Variants in UVSSA observed in about 807,000 individuals in gnomAD.
The protein encoded by UVSSA is UV stimulated scaffold protein A.
In UVSSA, 72 loss-of-function variants were observed where a neutral mutation model predicts 73.9. The ratio of observed to expected loss-of-function variants is 0.97; its 90% CI spans 0.81 to 1.19. The LOEUF is 1.19. Ranked by LOEUF, UVSSA falls within the 50% of genes most tolerant of loss-of-function variation. UVSSA has a pLI of 0.00. For missense variants in UVSSA, 1,150 were observed against 965.0 expected (o/e 1.19, Z -2.54); for synonymous variants, 454 against 391.3 (o/e 1.16, Z -1.89).
At chr4:1,346,754 G>A (rs1377911922), upstream of UVSSA, among the ~76,000 whole-genome samples, 1 of 152,060 alleles carries the variant, frequency 6.6e-6, no homozygotes, top group Non-Finnish European at 1.5e-5. Flanking sequence ...GCCCGCGGGC[G>A]GGCGTGGCGT....
At chr4:1,380,822 G>C (rs1719396608) in intron 11 of UVSSA, 58 bp from the exon 12 acceptor site, 11 of 1,594,954 alleles carry the variant, frequency 6.9e-6, no homozygotes, top group Admixed American at 3.4e-5. Context: ...GGTGGGGGGA[G>C]GTGGTCAAGG....
At chr4:1,352,633 T>G (rs988861925) in intron 4 of UVSSA, among the ~76,000 whole-genome samples, 2 of 152,224 alleles carry the variant, frequency 1.3e-5, no homozygotes, top group African/African-American at 4.8e-5. Flanking sequence ...GCTGCTGAGC[T>G]GGGTGCTCTA....
Position 1,380,924 on chromosome 4 carries a change from G to C in UVSSA, c.1797G>C (p.Arg599=). ...TTGTTCCACGGGACGACGAAGGACG[G>C]CCGCTCGACCCGGAAGACAGGGCTC... ...GKIVPRDDEG[R]PLDPEDRARE... The change falls in exon 12 of 14, where the codon CGG becomes CGC. Residue 599 remains arginine, a synonymous_variant. Transcript: ENST00000389851. 6.2e-7 allele frequency: 1 copy of C among 1,613,082 alleles called. No homozygotes were observed. The highest frequency in any genetic ancestry group is 8.5e-7 in the Non-Finnish European group (1 of 1,179,976).
At chr4:1,346,734 C>G (rs894392106), upstream of UVSSA, among the ~76,000 whole-genome samples, 1 of 152,112 alleles carries the variant, frequency 6.6e-6, no homozygotes, top group African/African-American at 2.4e-5. Context: ...GTGAAGGGAC[C>G]TGGCTGCGAG....
intron 2 of UVSSA, 151 bp downstream of exon 2, chr4:1,348,340 C>A (rs189308280): frequency 3.4e-4 from 218 of 648,786 alleles, no homozygotes; most frequent in African/African-American, 3.4e-3. Flanking sequence ...CCGGCTCTGA[C>A]GGGTGGTCAT....
At chr4:1,376,959 C>G (rs1178845323) in intron 10 of UVSSA, among the ~76,000 whole-genome samples, 1 of 152,234 alleles carries the variant, frequency 6.6e-6, no homozygotes, top group African/African-American at 2.4e-5. Flanking sequence ...TCCCCGCCAT[C>G]AAGACCCAGG....
At chr4:1,375,549 G>A (rs754104339) in intron 9 of UVSSA, 41 bp downstream of exon 9, 7 of 1,588,958 alleles carry the variant, frequency 4.4e-6, no homozygotes, top group East Asian at 2.2e-5. Flanking sequence ...CCTGCCCGGC[G>A]CTGCCACAGC....
intron 10 of UVSSA, among the ~76,000 whole-genome samples, chr4:1,377,520 C>T (rs1718922169): frequency 6.6e-6 from 1 of 152,122 alleles, no homozygotes; most frequent in African/African-American, 2.4e-5. Context: ...TCACACATTG[C>T]CACCAGGGGT....
Position 1,349,579 on chromosome 4 carries a change from C to T in UVSSA, c.154C>T (p.Gln52Ter). The change falls in exon 3 of 14, where the codon CAG (glutamine) becomes TAG (stop). Residue 52 changes from glutamine to a stop codon, truncating the protein, a stop_gained. Transcript: ENST00000389851. LOFTEE classifies it high-confidence loss of function. Reference protein sequence around the residue: ...AYRLLIAQLTQEHAEIRLSAF... With the variant: ...AYRLLIAQLT ...CCGCCTGCTGATAGCACAGCTGACC[C>T]AGGAGCACGCCGAGATCCGTCTCTC... is the stretch of plus-strand genomic sequence containing the variant. 6.2e-7 allele frequency: 1 copy of T among 1,614,066 alleles called. No individual in the cohort carries two copies. The highest frequency in any genetic ancestry group is 2.2e-5 in the East Asian group (1 of 44,890).
chr4:1,355,528 A>G (rs1399693854), intron 7 of UVSSA, among the ~76,000 whole-genome samples: 1 of 152,224 alleles, frequency 6.6e-6, no homozygotes, highest in Non-Finnish European at 1.5e-5. Context: ...GGAAGCCACC[A>G]GTCAGGCTGT....
chr4:1,358,787 C>T lies in UVSSA; in HGVS notation c.1176+3542C>T, dbSNP rs371681672. Among the ~76,000 whole-genome samples, 11 of 152,378 alleles carry T rather than the reference C, an allele frequency of 7.2e-5. 1 individual carries two copies. The South Asian group carries it at 1.2e-3, about 17-fold the overall frequency. On this transcript the variant is annotated intron_variant, in intron 7 of 13. Coordinates refer to ENST00000389851, the MANE Select transcript of UVSSA (RefSeq NM_020894.4). ...TACAGAGGGTTTAAATCACTTCCCT[C>T]CGTGTCTCCCCATTTAGCACGGGGA...
At chr4:1,379,995 G>A (rs534980476) in intron 10 of UVSSA, 52 bp from the exon 11 acceptor site, 62 of 1,536,734 alleles carry the variant, frequency 4.0e-5, no homozygotes, top group Non-Finnish European at 4.8e-5. Context: ...CCGTGGCCAC[G>A]CTCTTCTGGG....
chr4:1,352,133 G>C (rs1216918965), intron 4 of UVSSA, among the ~76,000 whole-genome samples: 1 of 152,244 alleles, frequency 6.6e-6, no homozygotes, highest in African/African-American at 2.4e-5. Context: ...CCCCAGCCTG[G>C]CTGAAGGCCC....
rs537175866 is a variant in UVSSA, at chr4:1,351,399, T to C, written c.430-316T>C. Among the ~76,000 whole-genome samples, 105 of 146,028 alleles carry C rather than the reference T, an allele frequency of 7.2e-4. 2 individuals carry two copies. The East Asian group carries it at 0.019, about 27-fold the overall frequency. On this transcript the variant is annotated intron_variant, in intron 3 of 13. Coordinates refer to ENST00000389851, the MANE Select transcript of UVSSA (RefSeq NM_020894.4). ...TTTATTTTCTTTCTTTTTTTTTTTT[T>C]CTTTGAGACAGAGTCTCGCTCTGTC...
chr4:1,394,445 C>T, exon 14 of UVSSA: 1 of 1,604,900 alleles, frequency 6.2e-7, no homozygotes, highest in East Asian at 2.2e-5. Context: ...GTTTTTGATA[C>T]AAAATGTGAG....
Position 1,386,207 on chromosome 4 carries a change from C to T in UVSSA, c.*246C>T, listed in dbSNP as rs933662861. 1.0e-5 allele frequency: 5 copies of T among 482,926 alleles called. No individual in the cohort carries two copies. Among genetic ancestry groups the T allele is most frequent in the East Asian group, 3.8e-5 (1 of 26,430 alleles). The allele number at this position is 482,926 out of a possible 1,614,324, so 29.9% of individuals were successfully genotyped here. A position where few individuals can be genotyped will look rare whatever the true frequency, so the allele number is the denominator to read the frequency against. The stretch of plus-strand genomic sequence containing the variant: ...GGCCTGGAGATGTGAACACAGGCAG[C>T]GACCCTGTTCCAGAGGGCTTCTGCG... On this transcript the variant is annotated 3_prime_UTR_variant, in exon 14 of 14. Coordinates refer to ENST00000389851, the MANE Select transcript of UVSSA (RefSeq NM_020894.4).
At chr4:1,385,757 G>C in intron 13 of UVSSA, 111 bp from the exon 14 acceptor site, 1 of 1,098,576 alleles carries the variant, frequency 9.1e-7, no homozygotes, top group Non-Finnish European at 1.4e-6. Context: ...GTCAGTGTCC[G>C]AGGGCAGCAG....
intron 7 of UVSSA, among the ~76,000 whole-genome samples, chr4:1,356,111 C>T (rs1715703879): frequency 6.6e-6 from 1 of 152,186 alleles, no homozygotes. Context: ...AACCCAAGCC[C>T]TGAACCCCAA....
Position 1,386,043 on chromosome 4 carries a change from G to A in UVSSA, c.*82G>A, listed in dbSNP as rs1043944441. 6.4e-6 allele frequency: 9 copies of A among 1,400,030 alleles called. No homozygotes were observed. The highest frequency in any genetic ancestry group is 9.1e-6 in the Non-Finnish European group (9 of 988,384). The allele number at this position is 1,400,030 out of a possible 1,614,324, so 86.7% of individuals were successfully genotyped here. A position where few individuals can be genotyped will look rare whatever the true frequency, so the allele number is the denominator to read the frequency against. On this transcript the variant is annotated 3_prime_UTR_variant, in exon 14 of 14. Transcript: ENST00000389851. ...GACAGCAGAGTGGGCGTGGGTCTGG[G>A]CAGTAACCATGCTTTGTCTATTACT...
Sources: allele counts gnomAD v4.1 joint callset (sites outside exome capture counted in the v4.1 genomes callset), GRCh38; gene constraint gnomAD v4.1.1; transcripts MANE v1.5; gene names NCBI Gene and HGNC (gene_info 2026-07-23, HGNC 2026-07-21).